Variants in YEATS2 observed in about 807,000 individuals in gnomAD.
YEATS2 encodes YEATS domain containing 2.
In YEATS2, 77 loss-of-function variants were observed where a neutral mutation model predicts 163.2. The observed-to-expected ratio is 0.47, with a 90% CI of 0.39 to 0.57. YEATS2 has a LOEUF of 0.57. Among genes scored for constraint, YEATS2 ranks in the 20% least tolerant of loss-of-function variants. The probability of loss-of-function intolerance (pLI) is 0.00; values close to 1 mark genes in which losing one functional copy is unlikely to be tolerated. For synonymous variants in YEATS2, 631 were observed against 645.1 expected, an observed-to-expected ratio of 0.98 and a Z score of 0.33; for missense variants, 1,549 against 1,729.8, an observed-to-expected ratio of 0.90 and a Z score of 1.85.
chr3:183,800,635 T>C (rs1324228514), intron 24 of YEATS2, 67 bp downstream of exon 24: 2 of 1,321,442 alleles, frequency 1.5e-6, no homozygotes, highest in Non-Finnish European at 2.2e-6. Context: ...GACAGCTGAG[T>C]ATGTGCAGAG....
At chr3:183,704,746 A>G (rs1019354632) in intron 1 of YEATS2, among the ~76,000 whole-genome samples, 7 of 151,766 alleles carry the variant, frequency 4.6e-5, no homozygotes, top group African/African-American at 1.7e-4. Context: ...CTCCTGCCTC[A>G]GCCTCCCAAG....
intron 13 of YEATS2, among the ~76,000 whole-genome samples, chr3:183,761,149 G>A (rs1327509047): frequency 6.6e-6 from 1 of 151,754 alleles, no homozygotes; most frequent in Admixed American, 6.6e-5. Flanking sequence ...GTGCAGTGGC[G>A]TGATCTCGGC....
intron 1 of YEATS2, among the ~76,000 whole-genome samples, chr3:183,703,312 A>G (rs951721919): frequency 8.5e-5 from 13 of 152,242 alleles, no homozygotes; most frequent in African/African-American, 2.7e-4. Context: ...AAATGGGAAC[A>G]TATTCAAAAG....
rs182742089 is a variant in YEATS2 at position 183,765,460 on chromosome 3, C to A, written c.1947+3181C>A. Among the ~76,000 whole-genome samples the A allele has an allele frequency of 5.2e-4, 79 of 152,196 alleles. No individual in the cohort carries two copies. The Middle Eastern group carries it at 0.014, about 26-fold the overall frequency. On this transcript the variant is annotated intron_variant, in intron 15 of 30. Coordinates refer to ENST00000305135, the MANE Select transcript of YEATS2 (RefSeq NM_018023.5). ...GATAGGTGGGTCTGTGCCACAATGC[C>A]CTAAATATGGTTTAAGGGCATCTGA...
At chr3:183,796,927 G>C (rs1186816210) in intron 21 of YEATS2, among the ~76,000 whole-genome samples, 4 of 152,060 alleles carry the variant, frequency 2.6e-5, no homozygotes, top group Non-Finnish European at 4.4e-5. Context: ...ATGGTTGTGG[G>C]ACGAGGATAC....
chr3:183,812,590 CAA>C lies in YEATS2; in HGVS notation c.*2010_*2011del, dbSNP rs574303317. The C allele has an allele frequency of 6.5e-4, 99 of 152,716 alleles. 1 individual carries two copies. Among genetic ancestry groups the C allele is most frequent in the African/African-American group, 2.3e-3 (96 of 41,558 alleles). The allele number at this position is 152,716 out of a possible 1,614,324, so 9.5% of individuals were successfully genotyped here. On this transcript the variant is annotated 3_prime_UTR_variant, in exon 31 of 31. Transcript: ENST00000305135. Reference sequence around the variant, plus strand: ...TATCATAATGTGTATAATTGTGTAACAAAATTGTCTACAATAAATCTTTTGGT... The same window carrying C: ...TATCATAATGTGTATAATTGTGTAACAATTGTCTACAATAAATCTTTTGGT...
intron 8 of YEATS2, among the ~76,000 whole-genome samples, chr3:183,738,399 T>C (rs1718582099): frequency 6.7e-6 from 1 of 149,210 alleles, no homozygotes; most frequent in Admixed American, 6.7e-5. Context: ...TTCTTTTTTT[T>C]TTTTTTTTTT....
Position 183,756,567 on chromosome 3 carries a change from G to A in YEATS2, c.1430G>A (p.Arg477Gln), listed in dbSNP as rs752273252. 1.1e-5 allele frequency: 18 copies of A among 1,603,562 alleles called. No individual in the cohort carries two copies. The highest frequency in any genetic ancestry group is 4.0e-5 in the African/African-American group (3 of 74,502). The change falls in exon 12 of 31, where the codon CGA becomes CAA. Residue 477 changes from arginine (R) to glutamine (Q), a missense_variant. Physicochemically the swap from Arg to Gln is conservative, Grantham distance 43 (BLOSUM62 1). Coordinates refer to ENST00000305135, the MANE Select transcript of YEATS2 (RefSeq NM_018023.5). Reference sequence around the variant, plus strand: ...ACTCCAAGCCCATCACCATTGCCTCGAACCCCGACTTCCACTCCAGTCCAC... The same window carrying A: ...ACTCCAAGCCCATCACCATTGCCTCAAACCCCGACTTCCACTCCAGTCCAC... ...ISTPSPSPLP[R>Q]TPTSTPVHVK...
At position 183,761,546 on chromosome 3, in the gene YEATS2, C is replaced by G; in HGVS notation, c.1696C>G (p.Pro566Ala). 1.2e-6 allele frequency: 2 copies of G among 1,614,096 alleles called. No individual in the cohort carries two copies. Among genetic ancestry groups the G allele is most frequent in the Non-Finnish European group, 1.7e-6 (2 of 1,180,016 alleles). Residue 566 changes from proline to alanine, a missense_variant, in exon 14 of 31, where the codon CCA (proline) becomes GCA (alanine). Physicochemically the swap from Pro to Ala is conservative, Grantham distance 27. Coordinates refer to ENST00000305135, the MANE Select transcript of YEATS2 (RefSeq NM_018023.5). ...GTTTGCATCTATGCCACCTCTTTGC[C>G]CAATTGGGAGTCACCCTAAGGTTCA... is the stretch of plus-strand genomic sequence containing the variant. The part of the protein sequence containing the change: ...SLFASMPPLC[P>A]IGSHPKVQSP...
chr3:183,725,041 C>CTTTTTTTT (rs62826962), intron 6 of YEATS2, among the ~76,000 whole-genome samples: 11 of 87,506 alleles, frequency 1.3e-4, no homozygotes, highest in Admixed American at 1.4e-4. Context: ...CCGTGCCGGC[C>CTTTTTTTT]TTTTTTTTTT....
intron 5 of YEATS2, among the ~76,000 whole-genome samples, chr3:183,722,842 C>T (rs566720309): frequency 1.3e-5 from 2 of 152,104 alleles, no homozygotes; most frequent in South Asian, 2.1e-4. Context: ...TTAGTAGAGA[C>T]GAGGTTTCAC....
chr3:183,807,263 G>A (rs573837994), intron 28 of YEATS2, 171 bp downstream of exon 28: 18 of 634,470 alleles, frequency 2.8e-5, no homozygotes, highest in Non-Finnish European at 4.3e-5. Flanking sequence ...GTTGACCCAG[G>A]TGTGCTCTCA....
intron 8 of YEATS2, among the ~76,000 whole-genome samples, chr3:183,742,952 A>G (rs1283841631): frequency 1.3e-5 from 2 of 152,262 alleles, no homozygotes; most frequent in African/African-American, 4.8e-5. Context: ...CAAGGTGATC[A>G]TTAGCACTTT....
intron 1 of YEATS2, among the ~76,000 whole-genome samples, chr3:183,700,385 G>T (rs1560209503): frequency 6.6e-6 from 1 of 152,112 alleles, no homozygotes. Flanking sequence ...CTCAGAAATA[G>T]TTGGTCCTGT....
intron 21 of YEATS2, among the ~76,000 whole-genome samples, chr3:183,795,090 C>G (rs543769226): frequency 2.9e-4 from 44 of 151,164 alleles, no homozygotes; most frequent in African/African-American, 1.0e-3. Flanking sequence ...ATTACTTGAC[C>G]CTGGGAGGTC....
chr3:183,764,641 A>T (rs1199743643), intron 15 of YEATS2, among the ~76,000 whole-genome samples: 1 of 151,906 alleles, frequency 6.6e-6, no homozygotes, highest in East Asian at 1.9e-4. Context: ...CCCCGTCTAT[A>T]CTAAAAATAC....
At chr3:183,770,399 A>T (rs1219573797) in intron 15 of YEATS2, among the ~76,000 whole-genome samples, 3 of 152,140 alleles carry the variant, frequency 2.0e-5, no homozygotes, top group Non-Finnish European at 4.4e-5. Flanking sequence ...AAACAAAAAA[A>T]CAAAAATTTC....
In YEATS2 at chr3:183,715,125, A is replaced by G; in HGVS notation, c.-19-19A>G. 1 of 1,481,686 alleles carries G rather than the reference A, an allele frequency of 6.7e-7. No individual in the cohort carries two copies. Among genetic ancestry groups the G allele is most frequent in the Non-Finnish European group, 9.3e-7 (1 of 1,070,422 alleles). The allele number at this position is 1,481,686 out of a possible 1,614,324, so 91.8% of individuals were successfully genotyped here. A position where few individuals can be genotyped will look rare whatever the true frequency, so the allele number is the denominator to read the frequency against. ...TTAACTGAATAATTAAAAATTATTA[A>G]TTTATCATTGCTTCACAGTGAAGAA... On this transcript the variant is annotated intron_variant, in intron 1 of 30. Coordinates refer to ENST00000305135, the MANE Select transcript of YEATS2 (RefSeq NM_018023.5).
intron 18 of YEATS2, among the ~76,000 whole-genome samples, 155 bp from the exon 19 acceptor site, chr3:183,777,387 C>G (rs995820708): frequency 1.1e-4 from 16 of 152,188 alleles, no homozygotes; most frequent in African/African-American, 3.9e-4. Flanking sequence ...TAGAGCACAA[C>G]TATTCTTTTG....
Sources: allele counts gnomAD v4.1 joint callset (sites outside exome capture counted in the v4.1 genomes callset), GRCh38; gene constraint gnomAD v4.1.1; transcripts MANE v1.5; gene names NCBI Gene and HGNC (gene_info 2026-07-23, HGNC 2026-07-21).